Variants in CHRFAM7A observed in about 807,000 individuals in gnomAD.
CHRFAM7A encodes CHRNA7-FAM7A fusion protein.
In CHRFAM7A, 3 loss-of-function variants were observed where a neutral mutation model predicts 29.2. The observed-to-expected ratio is 0.10, with a 90% CI of 0.05 to 0.27. The LOEUF (loss-of-function observed/expected upper bound fraction) is 0.27, where lower values mean the gene tolerates loss of function less well. Among genes scored for constraint, CHRFAM7A ranks in the 10% least tolerant of loss-of-function variants. CHRFAM7A has a pLI of 1.00. For synonymous variants in CHRFAM7A, 7 were observed against 135.4 expected (o/e 0.05, Z 6.58); for missense variants, 22 against 328.0 (o/e 0.07, Z 7.21).
chr15:30,376,535 C>A (rs1410803546), intron 5 of CHRFAM7A, among the ~76,000 whole-genome samples: 2 of 8,126 alleles, frequency 2.5e-4, no homozygotes, highest in African/African-American at 1.0e-3. Context: ...AGAGAGCTCT[C>A]CCTTGAAACC....
intron 9 of CHRFAM7A, among the ~76,000 whole-genome samples, chr15:30,363,157 C>T (rs71237768): frequency 0.058 from 7,781 of 133,194 alleles, 7 homozygotes; most frequent in Non-Finnish European, 0.069. Flanking sequence ...CATCTGTAAC[C>T]CGGGGACCTT....
intron 6 of CHRFAM7A, 110 bp from the exon 7 acceptor site, chr15:30,372,451 T>TAA (rs539274287): frequency 0.056 from 2,639 of 46,838 alleles, 1 homozygote; most frequent in South Asian, 0.082. Flanking sequence ...TGCAAAGTGC[T>TAA]AAAAAAAAAA....
intron 5 of CHRFAM7A, among the ~76,000 whole-genome samples, chr15:30,373,544 G>GTC (rs1291613983): frequency 1.5e-5 from 2 of 132,880 alleles, no homozygotes; most frequent in African/African-American, 5.5e-5. Context: ...GTGTGTGTGT[G>GTC]TCTGTTTGGT....
intron 5 of CHRFAM7A, among the ~76,000 whole-genome samples, chr15:30,375,502 C>T (rs151197193): frequency 0.035 from 5,206 of 150,310 alleles, 50 homozygotes; most frequent in South Asian, 0.064. Flanking sequence ...AGACAGCAAC[C>T]GAGAAGGCAC....
chr15:30,363,327 A>G (rs1473084434), intron 9 of CHRFAM7A, among the ~76,000 whole-genome samples: 33 of 148,328 alleles, frequency 2.2e-4, no homozygotes, highest in Admixed American at 2.2e-3. Context: ...TCAGGCTTCC[A>G]ACATCAGATT....
At chr15:30,388,781 TGAG>T (rs1233047471) in intron 1 of CHRFAM7A, among the ~76,000 whole-genome samples, 1 of 122,356 alleles carries the variant, frequency 8.2e-6, no homozygotes, top group Non-Finnish European at 1.7e-5. Context: ...ATGAGATGTA[TGAG>T]GTTACAGTGA....
In CHRFAM7A at chr15:30,362,107, T is replaced by TTTTC; in HGVS notation, c.*185_*186insGAAA. 1 of 18,546 alleles carries TTTTC rather than the reference T, an allele frequency of 5.4e-5. No homozygotes were observed. Among genetic ancestry groups the TTTTC allele is most frequent in the Non-Finnish European group, 1.0e-4 (1 of 9,968 alleles). The allele number at this position is 18,546 out of a possible 1,614,324, so 1.1% of individuals were successfully genotyped here. A position where few individuals can be genotyped will look rare whatever the true frequency, so the allele number is the denominator to read the frequency against. ...ATATCTATCAGCCCATCTGAGAATATGAAACAAAGTGCTGAGATTCTACTA... is the reference window on the plus strand; with the variant it reads ...ATATCTATCAGCCCATCTGAGAATATTTTCGAAACAAAGTGCTGAGATTCTACTA... On this transcript the variant is annotated 3_prime_UTR_variant, in exon 10 of 10. Transcript: ENST00000299847.
chr15:30,371,358 A>G (rs956800517), intron 7 of CHRFAM7A, among the ~76,000 whole-genome samples, 174 bp from the exon 8 acceptor site: 1 of 149,654 alleles, frequency 6.7e-6, no homozygotes, highest in Admixed American at 6.7e-5. Flanking sequence ...GGGACGTTCC[A>G]TGCCACTTAC....
chr15:30,377,900 A>G (rs1364977560), intron 4 of CHRFAM7A, among the ~76,000 whole-genome samples: 1 of 135,162 alleles, frequency 7.4e-6, no homozygotes, highest in East Asian at 2.1e-4. Flanking sequence ...CACTATTACT[A>G]TATATGAATT....
At chr15:30,375,886 CGTGTG>C (rs1361029211) in intron 5 of CHRFAM7A, among the ~76,000 whole-genome samples, 14 of 121,360 alleles carry the variant, frequency 1.2e-4, no homozygotes, top group African/African-American at 4.6e-4. Flanking sequence ...TGTGTTGAGT[CGTGTG>C]GGTGGTATGT....
chr15:30,377,699 C>T (rs937168012), intron 4 of CHRFAM7A, among the ~76,000 whole-genome samples: 10 of 142,508 alleles, frequency 7.0e-5, no homozygotes, highest in Non-Finnish European at 3.1e-5. Context: ...CTCAGCTTCC[C>T]GAGTAGCTGG....
intron 5 of CHRFAM7A, among the ~76,000 whole-genome samples, chr15:30,375,141 G>A: frequency 7.0e-6 from 1 of 142,428 alleles, no homozygotes. Flanking sequence ...ACCTGCAGCA[G>A]CATATTCTAC....
intron 8 of CHRFAM7A, among the ~76,000 whole-genome samples, chr15:30,369,065 C>A: frequency 6.8e-6 from 1 of 147,158 alleles, no homozygotes; most frequent in Non-Finnish European, 1.5e-5. Flanking sequence ...TTCTCAGGGG[C>A]CTTCAACAGG....
rs763063201 is a variant in CHRFAM7A at position 30,372,359 on chromosome 15, GAGA to G, written c.329-21_329-19del. 1.3e-5 allele frequency: 14 copies of G among 1,082,276 alleles called. 3 individuals are homozygous for G. The highest frequency in any genetic ancestry group is 1.5e-5 in the Non-Finnish European group (12 of 794,532). 67.0% of individuals were successfully genotyped at this position (1,082,276 alleles called of 1,614,324 possible). On this transcript the variant is annotated intron_variant, in intron 6 of 9. Coordinates refer to ENST00000299847, the MANE Select transcript of CHRFAM7A (RefSeq NM_139320.2). ...GGGGATTCCTCCATAGGGAGGAGGA[GAGA>G]AGGAGCCATTGTTAGAATACAATAA...
chr15:30,375,940 G>A (rs184729317), intron 5 of CHRFAM7A, among the ~76,000 whole-genome samples: 1 of 25,312 alleles, frequency 4.0e-5, no homozygotes, highest in African/African-American at 1.2e-4. Flanking sequence ...GAGTCGTGTG[G>A]GTGGTATGTG....
At chr15:30,373,914 T>C (rs1181083932) in intron 5 of CHRFAM7A, among the ~76,000 whole-genome samples, 1 of 132,060 alleles carries the variant, frequency 7.6e-6, no homozygotes, top group Non-Finnish European at 1.6e-5. Flanking sequence ...AAGTGAGCTA[T>C]GATCGAGCCC....
Position 30,377,541 on chromosome 15 carries a change from G to GCGGA in CHRFAM7A, c.81-436_81-433dup, listed in dbSNP as rs1365086826. Among the ~76,000 whole-genome samples the GCGGA allele has an allele frequency of 4.7e-4, 63 of 133,018 alleles. 1 individual carries two copies. The Middle Eastern group carries it at 0.011, about 23-fold the overall frequency. The allele number at this position is 133,018 out of a possible 152,430, so 87.3% of individuals were successfully genotyped here. ...AAAGCTCTAGTTCCAGCCTCTTGAA[G>GCGGA]CGGACCCACACTTGGTTTGTGCTTC... On this transcript the variant is annotated intron_variant, in intron 4 of 9. Transcript: ENST00000299847.
Position 30,373,275 on chromosome 15 carries a change from G to T in CHRFAM7A, c.161-130C>A, listed in dbSNP as rs146625390. The stretch of plus-strand genomic sequence containing the variant: ...ACACAGTCCAGAGCAAACGGAATCT[G>T]TCTTTTTATTTATTCGCAAAATCTG... On this transcript the variant is annotated intron_variant, in intron 5 of 9. Coordinates refer to ENST00000299847, the MANE Select transcript of CHRFAM7A (RefSeq NM_139320.2). 8.6e-4 allele frequency: 1,256 copies of T among 1,454,164 alleles called. 34 individuals carry two copies. In the African/African-American group the frequency reaches 0.016, roughly 18 times the overall value. The allele number at this position is 1,454,164 out of a possible 1,614,324, so 90.1% of individuals were successfully genotyped here. A position where few individuals can be genotyped will look rare whatever the true frequency, so the allele number is the denominator to read the frequency against.
chr15:30,378,036 T>C (rs1169327553), intron 4 of CHRFAM7A, among the ~76,000 whole-genome samples: 1 of 67,134 alleles, frequency 1.5e-5, no homozygotes, highest in Non-Finnish European at 2.8e-5. Context: ...ACAATGTTTT[T>C]TTAAGAGTAT....
Sources: allele counts gnomAD v4.1 joint callset (sites outside exome capture counted in the v4.1 genomes callset), GRCh38; gene constraint gnomAD v4.1.1; transcripts MANE v1.5; gene names NCBI Gene and HGNC (gene_info 2026-07-23, HGNC 2026-07-21).